Variants in RBPMS2 observed in about 807,000 individuals in gnomAD.
RBPMS2 encodes the protein RNA-binding protein with multiple splicing 2.
RBPMS2 carries 14 observed loss-of-function variants against 25.7 expected under a neutral mutation model. That is an observed-to-expected ratio of 0.55 (90% CI 0.36 to 0.85). The LOEUF is 0.85. RBPMS2 is among the 40% of genes least tolerant of loss of function. RBPMS2 has a pLI of 0.01. For synonymous variants in RBPMS2, 127 were observed against 115.6 expected, an observed-to-expected ratio of 1.10 and a Z score of -0.63; for missense variants, 252 against 283.4, an observed-to-expected ratio of 0.89 and a Z score of 0.80.
chr15:64,767,380 T>G (rs2083856419), intron 1 of RBPMS2, among the ~76,000 whole-genome samples: 1 of 152,198 alleles, frequency 6.6e-6, no homozygotes, highest in Admixed American at 6.5e-5. Flanking sequence ...GGAAGTGACG[T>G]GACACCAGAT....
At chr15:64,757,454 G>A (rs975385321) in intron 1 of RBPMS2, among the ~76,000 whole-genome samples, 7 of 152,132 alleles carry the variant, frequency 4.6e-5, no homozygotes, top group Non-Finnish European at 1.0e-4. Context: ...TACTGAAGCT[G>A]GTAATGTGGG....
rs755554371 is a variant in RBPMS2 at position 64,749,001 on chromosome 15, G to A, written c.417C>T (p.Pro139=). 20 of 1,614,150 alleles carry A rather than the reference G, an allele frequency of 1.2e-5. No individual in the cohort carries two copies. In the South Asian group the frequency reaches 1.9e-4, roughly 15 times the overall value. Residue 139 remains proline, a splice_region_variant and synonymous_variant, in exon 5 of 8, where the codon CCC becomes CCT. Coordinates refer to ENST00000300069, the MANE Select transcript of RBPMS2 (RefSeq NM_194272.3). ...CTGCCAGCTCAGAGTGCCACTCACA[G>A]GGGTCCCGTGCGATGAAGTGTGCTC... ...ALGAHFIARD[P]YDLMGAALIP...
chr15:64,770,847 T>A lies in RBPMS2; in HGVS notation c.87+4386A>T, dbSNP rs947141046. On this transcript the variant is annotated intron_variant, in intron 1 of 7. Coordinates refer to ENST00000300069, the MANE Select transcript of RBPMS2 (RefSeq NM_194272.3). ...TGTTCACCCACATCTCAGGGAGGGC[T>A]GACCTCAAGCCACCCAGTGGTCCCA... Among the ~76,000 whole-genome samples the A allele has an allele frequency of 2.0e-5, 3 of 151,762 alleles. No homozygotes were observed. The South Asian group carries it at 6.2e-4, about 32-fold the overall frequency.
At chr15:64,751,751 C>G in intron 1 of RBPMS2, 113 bp from the exon 2 acceptor site, 1 of 812,940 alleles carries the variant, frequency 1.2e-6, no homozygotes, top group Non-Finnish European at 2.0e-6. Flanking sequence ...AGGAATTCAG[C>G]CTTTCCTGGG....
intron 1 of RBPMS2, among the ~76,000 whole-genome samples, chr15:64,755,238 T>C (rs967980818): frequency 2.0e-5 from 3 of 152,112 alleles, no homozygotes; most frequent in African/African-American, 4.8e-5. Context: ...GGGTTCCATC[T>C]TTCAGGTTCT....
intron 6 of RBPMS2, among the ~76,000 whole-genome samples, chr15:64,747,692 G>C (rs1224494418): frequency 1.3e-5 from 2 of 152,164 alleles, no homozygotes; most frequent in South Asian, 2.1e-4. Flanking sequence ...AGTCAGACCA[G>C]AGGAAGCGCC....
intron 6 of RBPMS2, among the ~76,000 whole-genome samples, chr15:64,746,531 G>A (rs1405358493): frequency 6.6e-6 from 1 of 152,234 alleles, no homozygotes; most frequent in African/African-American, 2.4e-5. Context: ...ATGTCCCACA[G>A]CTGTTGAGAA....
intron 6 of RBPMS2, among the ~76,000 whole-genome samples, chr15:64,742,701 T>C (rs7496259): frequency 0.87 from 132,520 of 152,110 alleles, 58,937 homozygotes; most frequent in East Asian, 0.96. Context: ...GGAGGGGAGC[T>C]GGAGTCCCCT....
chr15:64,769,583 C>T (rs2083877315), intron 1 of RBPMS2, among the ~76,000 whole-genome samples: 1 of 151,760 alleles, frequency 6.6e-6, no homozygotes, highest in Non-Finnish European at 1.5e-5. Flanking sequence ...TGGCGTGAAC[C>T]CAGGAGGCAG....
At chr15:64,742,084 G>A (rs563111278) in intron 6 of RBPMS2, among the ~76,000 whole-genome samples, 4 of 152,212 alleles carry the variant, frequency 2.6e-5, no homozygotes, top group South Asian at 2.1e-4. Flanking sequence ...AGAATCGCTC[G>A]AACCCGGGAG....
chr15:64,775,167 G>A, intron 1 of RBPMS2, 66 bp downstream of exon 1: 1 of 885,444 alleles, frequency 1.1e-6, no homozygotes, highest in Non-Finnish European at 1.4e-6. Flanking sequence ...GGCAGGCCCC[G>A]CTCGCCCTCT....
In RBPMS2 at chr15:64,773,176, T is replaced by C. The variant is rs191693598; in HGVS notation, c.87+2057A>G. Among the ~76,000 whole-genome samples the C allele has an allele frequency of 4.0e-3, 604 of 152,338 alleles. 2 individuals are homozygous for C. The highest frequency in any genetic ancestry group is 0.014 in the African/African-American group (595 of 41,574). ...CTGCTAACGCTGATTCTCCAGATGG[T>C]TGCTCTTAGGGGCTGCAGAACTGAC... is the stretch of plus-strand genomic sequence containing the variant. On this transcript the variant is annotated intron_variant, in intron 1 of 7. Coordinates refer to ENST00000300069, the MANE Select transcript of RBPMS2 (RefSeq NM_194272.3).
intron 1 of RBPMS2, among the ~76,000 whole-genome samples, chr15:64,753,839 G>C (rs2083706092): frequency 6.6e-6 from 1 of 152,240 alleles, no homozygotes; most frequent in East Asian, 1.9e-4. Context: ...GGCAGCATCT[G>C]GGGGTCTGGA....
At chr15:64,751,435 C>A (rs2083679029) in intron 2 of RBPMS2, 126 bp downstream of exon 2, 2 of 754,676 alleles carry the variant, frequency 2.7e-6, no homozygotes, top group Non-Finnish European at 4.6e-6. Flanking sequence ...ACGGGCTGGA[C>A]CTGCCCCCAC....
chr15:64,772,347 CCA>C (rs1482980584), intron 1 of RBPMS2, among the ~76,000 whole-genome samples: 1 of 152,202 alleles, frequency 6.6e-6, no homozygotes, highest in African/African-American at 2.4e-5. Flanking sequence ...GTCCCCAGCT[CCA>C]GTCAAGACTT....
chr15:64,757,373 T>G (rs1459186812), intron 1 of RBPMS2, among the ~76,000 whole-genome samples: 1 of 152,156 alleles, frequency 6.6e-6, no homozygotes, highest in Non-Finnish European at 1.5e-5. Flanking sequence ...CTGGCTTCAT[T>G]TAGGGCTCCT....
At position 64,759,503 on chromosome 15, in the gene RBPMS2, C is replaced by A. The variant is rs535610839; in HGVS notation, c.88-7865G>T. 6.5e-4 allele frequency among the ~76,000 whole-genome samples: 99 copies of A among 152,200 alleles called. 1 individual carries two copies. In the South Asian group the frequency reaches 0.019, roughly 29 times the overall value. ...GAAGGGGCTCTGACAAACCCATTCC[C>A]ATCTACGTGTCGGTGATGTTCTTCC... On this transcript the variant is annotated intron_variant, in intron 1 of 7. Transcript: ENST00000300069.
chr15:64,748,555 C>G lies in RBPMS2; in HGVS notation c.431G>C (p.Gly144Ala). The G allele has an allele frequency of 1.3e-6, 2 of 1,559,546 alleles. No individual in the cohort carries two copies. Among genetic ancestry groups the G allele is most frequent in the Non-Finnish European group, 1.7e-6 (2 of 1,154,794 alleles). ...TGGGGATGCAGGGATCAGAGCAGCCCCCATCAGGTCATCTACAACAGGAGA... is the reference window on the plus strand; with the variant it reads ...TGGGGATGCAGGGATCAGAGCAGCCGCCATCAGGTCATCTACAACAGGAGA... ...FIARDPYDLM[G>A]AALIPASPEA... The change falls in exon 6 of 8, where the codon GGG (glycine) becomes GCG (alanine). Residue 144 changes from glycine to alanine, a missense_variant. Transcript: ENST00000300069.
chr15:64,770,340 T>C (rs1378418970), intron 1 of RBPMS2, among the ~76,000 whole-genome samples: 1 of 152,204 alleles, frequency 6.6e-6, no homozygotes, highest in African/African-American at 2.4e-5. Context: ...ACATGAAAGT[T>C]ATTTAACCTC....
Sources: allele counts gnomAD v4.1 joint callset (sites outside exome capture counted in the v4.1 genomes callset), GRCh38; gene constraint gnomAD v4.1.1; transcripts MANE v1.5; gene names NCBI Gene and HGNC (gene_info 2026-07-23, HGNC 2026-07-21).